VSTM4: variants seen among roughly 807,000 people sequenced by gnomAD.
VSTM4 encodes V-set and transmembrane domain-containing protein 4.
VSTM4 carries 20 observed loss-of-function variants against 36.4 expected under a neutral mutation model. The ratio of observed to expected loss-of-function variants is 0.55; its 90% CI spans 0.39 to 0.80. VSTM4 has a LOEUF of 0.80. Among genes scored for constraint, VSTM4 ranks in the 30% least tolerant of loss-of-function variants. The probability of loss-of-function intolerance (pLI) is 0.00; values close to 1 mark genes in which losing one functional copy is unlikely to be tolerated. For synonymous variants in VSTM4, 182 were observed against 173.9 expected, an observed-to-expected ratio of 1.05 and a Z score of -0.37; for missense variants, 392 against 404.5, an observed-to-expected ratio of 0.97 and a Z score of 0.26.
chr10:49,054,625 G>A (rs1386460382), intron 5 of VSTM4, among the ~76,000 whole-genome samples: 3 of 152,194 alleles, frequency 2.0e-5, no homozygotes, highest in Admixed American at 2.0e-4. Flanking sequence ...AGCAGAAGGC[G>A]GGGAGCAGTT....
intron 7 of VSTM4, among the ~76,000 whole-genome samples, chr10:49,024,794 T>G (rs1425902691): frequency 6.6e-6 from 1 of 152,126 alleles, no homozygotes; most frequent in Non-Finnish European, 1.5e-5. Flanking sequence ...TAACAAGAAC[T>G]TTGTGAACTA....
intron 7 of VSTM4, among the ~76,000 whole-genome samples, chr10:49,027,167 G>A (rs762808693): frequency 2.0e-5 from 3 of 152,174 alleles, no homozygotes; most frequent in East Asian, 1.9e-4. Flanking sequence ...ATTCTGCCTC[G>A]CCCTCTCTAA....
chr10:49,077,032 T>A (rs1844190577), intron 4 of VSTM4, among the ~76,000 whole-genome samples, 187 bp downstream of exon 4: 1 of 152,152 alleles, frequency 6.6e-6, no homozygotes, highest in South Asian at 2.1e-4. Flanking sequence ...ATGTCAATGA[T>A]GGCCACAGTG....
intron 1 of VSTM4, among the ~76,000 whole-genome samples, chr10:49,115,073 C>T (rs1253330399): frequency 6.6e-6 from 1 of 152,196 alleles, no homozygotes; most frequent in Non-Finnish European, 1.5e-5. Context: ...AGCTGTGTGT[C>T]CTGACTGCCG....
chr10:49,052,745 T>G (rs1309130814), intron 5 of VSTM4, among the ~76,000 whole-genome samples: 1 of 152,204 alleles, frequency 6.6e-6, no homozygotes, highest in Non-Finnish European at 1.5e-5. Context: ...TGGATTTTTT[T>G]TAACTGTTTA....
chr10:49,076,666 C>A (rs1844184615), intron 4 of VSTM4, among the ~76,000 whole-genome samples: 1 of 152,166 alleles, frequency 6.6e-6, no homozygotes, highest in Non-Finnish European at 1.5e-5. Flanking sequence ...ACTACACTTT[C>A]CTGAGAGGAA....
In VSTM4 at chr10:49,096,622, C is replaced by T. The variant is rs911005099; in HGVS notation, c.458-10599G>A. 2.4e-5 allele frequency among the ~76,000 whole-genome samples: 3 copies of T among 122,500 alleles called. No individual in the cohort carries two copies. In the East Asian group the frequency reaches 7.1e-4, roughly 29 times the overall value. The allele number at this position is 122,500 out of a possible 152,430, so 80.4% of individuals were successfully genotyped here. A position where few individuals can be genotyped will look rare whatever the true frequency, so the allele number is the denominator to read the frequency against. On this transcript the variant is annotated intron_variant, in intron 2 of 7. Transcript: ENST00000332853. ...ATTGGGTTGAAAAGCCATTGAAGAC[C>T]GTGTGTGTGTGTGTGTGTGTGTGTG...
At chr10:49,039,826 T>C (rs1051638522) in intron 7 of VSTM4, among the ~76,000 whole-genome samples, 1 of 152,254 alleles carries the variant, frequency 6.6e-6, no homozygotes, top group Admixed American at 6.5e-5. Flanking sequence ...CTCTGAGGTT[T>C]TCCTTCCGCA....
chr10:49,096,622 C>CAT (rs745342298), intron 2 of VSTM4, among the ~76,000 whole-genome samples: 1 of 122,500 alleles, frequency 8.2e-6, no homozygotes, highest in African/African-American at 3.5e-5. Flanking sequence ...CATTGAAGAC[C>CAT]GTGTGTGTGT....
intron 5 of VSTM4, among the ~76,000 whole-genome samples, chr10:49,055,990 G>A (rs781682433): frequency 2.6e-5 from 4 of 152,268 alleles, no homozygotes; most frequent in Non-Finnish European, 5.9e-5. Flanking sequence ...CAGAAAGGAT[G>A]CCAGACCCTT....
intron 7 of VSTM4, among the ~76,000 whole-genome samples, chr10:49,035,201 C>T (rs541436947): frequency 1.3e-5 from 2 of 152,336 alleles, no homozygotes; most frequent in East Asian, 3.9e-4. Flanking sequence ...CCCAGCACAT[C>T]TCCCTGCACC....
chr10:49,047,621 G>A (rs931016174), intron 6 of VSTM4, among the ~76,000 whole-genome samples: 4 of 152,102 alleles, frequency 2.6e-5, no homozygotes, highest in South Asian at 2.1e-4. Flanking sequence ...GAACGACATC[G>A]AGCAGTATGA....
chr10:49,107,947 T>C lies in VSTM4; in HGVS notation c.104A>G (p.Asp35Gly), dbSNP rs751317826. ...NVTVSPGPVV[D>G]YLEGENATLL... ...AGTGGCATTCTCCCCCTCCAGGTAG[T>C]CAACCACGGGCCCCGGGGACACAGT... The change falls in exon 2 of 8, where the codon GAC (aspartate) becomes GGC (glycine). Residue 35 changes from aspartate (D) to glycine (G), a missense_variant. By Grantham distance (94) the Asp-to-Gly change is moderately conservative. Coordinates refer to ENST00000332853, the MANE Select transcript of VSTM4 (RefSeq NM_001031746.5). 1 of 1,608,790 alleles carries C rather than the reference T, an allele frequency of 6.2e-7. No individual in the cohort carries two copies. The highest frequency in any genetic ancestry group is 1.1e-5 in the South Asian group (1 of 90,308).
intron 7 of VSTM4, among the ~76,000 whole-genome samples, chr10:49,039,345 G>A (rs1442364523): frequency 1.3e-5 from 2 of 152,068 alleles, no homozygotes; most frequent in African/African-American, 4.8e-5. Context: ...ACAGGAAGCC[G>A]CCTCATCCTG....
chr10:49,103,517 T>C (rs1215192084), intron 2 of VSTM4: 1 of 1,280,902 alleles, frequency 7.8e-7, no homozygotes, highest in Non-Finnish European at 9.9e-7. Flanking sequence ...TACACTATAT[T>C]ACTTTTGCAA....
At chr10:49,046,912 G>A in intron 7 of VSTM4, 71 bp downstream of exon 7, 1 of 1,435,618 alleles carries the variant, frequency 7.0e-7, no homozygotes, top group Non-Finnish European at 9.8e-7. Context: ...AGTTAATAAA[G>A]GCACTGTTTT....
intron 7 of VSTM4, among the ~76,000 whole-genome samples, chr10:49,031,950 A>G (rs186698777): frequency 7.7e-4 from 117 of 152,190 alleles, no homozygotes; most frequent in African/African-American, 2.6e-3. Context: ...CTCTCAGCCC[A>G]GCCTGAGATG....
chr10:49,046,951 G>A, intron 7 of VSTM4, 32 bp downstream of exon 7: 1 of 1,601,884 alleles, frequency 6.2e-7, no homozygotes, highest in Non-Finnish European at 8.6e-7. Context: ...GAGGCTTAAG[G>A]TATGATAGGA....
chr10:49,014,440 G>GGAACA lies in VSTM4; in HGVS notation c.*5205_*5209dup, dbSNP rs1843073909. ...TCGTCTTTCACCAGTGACAACAGAA[G>GGAACA]GAACAGAAAACCTCCATGGCCACCC... On this transcript the variant is annotated 3_prime_UTR_variant, in exon 8 of 8. Transcript: ENST00000332853. 6.6e-6 allele frequency: 1 copy of GGAACA among 152,198 alleles called. No homozygotes were observed. The highest frequency in any genetic ancestry group is 1.5e-5 in the Non-Finnish European group (1 of 68,042). The allele number at this position is 152,198 out of a possible 1,614,324, so 9.4% of individuals were successfully genotyped here. A position where few individuals can be genotyped will look rare whatever the true frequency, so the allele number is the denominator to read the frequency against.
Sources: gnomAD v4.1 joint callset for allele counts (sites outside exome capture counted in the v4.1 genomes callset) on GRCh38, gnomAD v4.1.1 for gene constraint, MANE v1.5 for transcripts, NCBI Gene and HGNC (gene_info 2026-07-23, HGNC 2026-07-21) for gene names.